Variants in SPATA31D1 observed in about 807,000 individuals in gnomAD.
The protein encoded by SPATA31D1 is spermatogenesis-associated protein 31D1.
SPATA31D1 carries 6 observed loss-of-function variants against 13.2 expected under a neutral mutation model. The observed-to-expected ratio is 0.46, with a 90% confidence interval of 0.25 to 0.90. The LOEUF is 0.90. Ranked by LOEUF, SPATA31D1 falls within the 40% of genes least tolerant of loss-of-function variation. The probability of loss-of-function intolerance (pLI) is 0.18; values close to 1 mark genes in which losing one functional copy is unlikely to be tolerated. For missense variants in SPATA31D1, 2,445 were observed against 1,884.7 expected (o/e 1.30, Z -5.50); for synonymous variants, 903 against 718.8 (o/e 1.26, Z -4.10).
In SPATA31D1 at chr9:81,994,731, C is replaced by T. The variant is rs73480303; in HGVS notation, c.4261C>T (p.His1421Tyr). 5,259 of 1,613,850 alleles carry T rather than the reference C, an allele frequency of 3.3e-3. 151 individuals carry two copies. The African/African-American group carries it at 0.06, about 18-fold the overall frequency. ...CCTAGAAGAGAAGCTGGGGCATAGG[C>T]ATGGGATAGATATCACCTGTCCCCA... ...EFLEEKLGHR[H>Y]GIDITCPQEP... The change falls in exon 4 of 4, where the codon CAT becomes TAT. Residue 1421 changes from histidine to tyrosine, a missense_variant. His to Tyr is a moderately conservative substitution (Grantham distance 83). Coordinates refer to ENST00000344803, the MANE Select transcript of SPATA31D1 (RefSeq NM_001001670.3).
At chr9:81,988,718 T>G (rs1316344852), upstream of SPATA31D1, 4 of 1,575,878 alleles carry the variant, frequency 2.5e-6, no homozygotes, top group Non-Finnish European at 3.5e-6. Context: ...CTTAGAAACC[T>G]TCTGTGACTC....
chr9:81,991,748 G>T lies in SPATA31D1; in HGVS notation c.1278G>T (p.Leu426=). 1.2e-6 allele frequency: 2 copies of T among 1,613,784 alleles called. No individual in the cohort carries two copies. The highest frequency in any genetic ancestry group is 1.7e-6 in the Non-Finnish European group (2 of 1,179,732). The change falls in exon 4 of 4, where the codon CTG becomes CTT. Residue 426 remains leucine, a synonymous_variant. Coordinates refer to ENST00000344803, the MANE Select transcript of SPATA31D1 (RefSeq NM_001001670.3). The part of the protein sequence containing the change: ...ERQVKKRGDF[L]MWKENGKKPG... Reference sequence around the variant, plus strand: ...AAGTCAAAAAAAGGGGTGATTTCCTGATGTGGAAAGAAAATGGAAAGAAAC... The same window carrying T: ...AAGTCAAAAAAAGGGGTGATTTCCTTATGTGGAAAGAAAATGGAAAGAAAC...
chr9:81,993,717 G>A lies in SPATA31D1; in HGVS notation c.3247G>A (p.Glu1083Lys). Residue 1083 changes from glutamate (E) to lysine (K), a missense_variant, in exon 4 of 4, where the codon GAG (glutamate) becomes AAG (lysine). Glu to Lys is a moderately conservative substitution (Grantham distance 56, BLOSUM62 1). Transcript: ENST00000344803. ...TCTTACAGAAAGTGTCCGGACAACA[G>A]AGGATGGCAGACAGACTTTTCTGCC... ...NDLTESVRTT[E>K]DGRQTFLPPP... is the part of the protein sequence containing the mutation. 6.2e-7 allele frequency: 1 copy of A among 1,614,022 alleles called. No individual in the cohort carries two copies. The highest frequency in any genetic ancestry group is 8.5e-7 in the Non-Finnish European group (1 of 1,179,898).
chr9:81,987,791 AAAC>A (rs759563768), upstream of SPATA31D1, among the ~76,000 whole-genome samples: 6 of 152,308 alleles, frequency 3.9e-5, no homozygotes, highest in South Asian at 2.1e-4. Flanking sequence ...GGCGATTAAA[AAAC>A]AACAACAACA....
At position 81,993,748 on chromosome 9, in the gene SPATA31D1, C is replaced by A; in HGVS notation, c.3278C>A (p.Pro1093Gln). The change falls in exon 4 of 4, where the codon CCA (proline) becomes CAA (glutamine). Residue 1093 changes from proline (P) to glutamine (Q), a missense_variant. Transcript: ENST00000344803. Reference protein sequence around the residue: ...EDGRQTFLPPPHSIVDEVSQK... With the variant: ...EDGRQTFLPPQHSIVDEVSQK... ...GGCAGACAGACTTTTCTGCCCCCGC[C>A]ACACAGCATCGTAGACGAAGTCAGT... The A allele has an allele frequency of 6.2e-7, 1 of 1,613,990 alleles. No individual in the cohort carries two copies. Among genetic ancestry groups the A allele is most frequent in the Non-Finnish European group, 8.5e-7 (1 of 1,179,900 alleles).
rs1378648739 is a variant in SPATA31D1 at position 81,994,636 on chromosome 9, G to A, written c.4166G>A (p.Gly1389Asp). The change falls in exon 4 of 4, where the codon GGT (glycine) becomes GAT (aspartate). Residue 1389 changes from glycine to aspartate, a missense_variant. Gly to Asp is a moderately conservative substitution (Grantham distance 94, BLOSUM62 -1). Coordinates refer to ENST00000344803, the MANE Select transcript of SPATA31D1 (RefSeq NM_001001670.3). ...SSLSSCVQNI[G>D]RVIRAAFTGT... is the part of the protein sequence containing the mutation. ...CTGTCATCATGTGTGCAGAATATTG[G>A]TCGAGTTATAAGAGCTGCCTTTACT... 6.2e-6 allele frequency: 10 copies of A among 1,613,216 alleles called. No individual in the cohort carries two copies. In the South Asian group the frequency reaches 6.6e-5, roughly 11 times the overall value.
At chr9:81,989,905 G>C in intron 2 of SPATA31D1, 82 bp downstream of exon 2, 2 of 1,495,052 alleles carry the variant, frequency 1.3e-6, no homozygotes, top group Admixed American at 3.8e-5. Flanking sequence ...TGATTTCTTA[G>C]AATGTCAGTT....
At position 81,991,319 on chromosome 9, in the gene SPATA31D1, G is replaced by T. The variant is rs568845059; in HGVS notation, c.849G>T (p.Ser283=). ...SFGSTLCQDI[S]QAMNPIDSCA... ...GCTCCACCCTATGCCAAGATATTTC[G>T]CAGGCCATGAATCCCATTGATTCTT... The change falls in exon 4 of 4, where the codon TCG becomes TCT. Residue 283 remains serine (S), a synonymous_variant. Coordinates refer to ENST00000344803, the MANE Select transcript of SPATA31D1 (RefSeq NM_001001670.3). 1 of 1,613,932 alleles carries T rather than the reference G, an allele frequency of 6.2e-7. No individual in the cohort carries two copies. Among genetic ancestry groups the T allele is most frequent in the Non-Finnish European group, 8.5e-7 (1 of 1,179,874 alleles).
chr9:81,995,241 G>A lies in SPATA31D1; in HGVS notation c.*40G>A. ...AGAATCTTGATTCTCCCCAATAAAT[G>A]TTCCAATAAGAAGGATGTCTTTTCT... On this transcript the variant is annotated 3_prime_UTR_variant, in exon 4 of 4. Coordinates refer to ENST00000344803, the MANE Select transcript of SPATA31D1 (RefSeq NM_001001670.3). 1 of 1,456,458 alleles carries A rather than the reference G, an allele frequency of 6.9e-7. No individual in the cohort carries two copies. 90.2% of individuals were successfully genotyped at this position (1,456,458 alleles called of 1,614,324 possible). A position where few individuals can be genotyped will look rare whatever the true frequency, so the allele number is the denominator to read the frequency against.
At position 81,994,422 on chromosome 9, in the gene SPATA31D1, A is replaced by C. The variant is rs369324491; in HGVS notation, c.3952A>C (p.Arg1318=). 37 of 1,613,712 alleles carry C rather than the reference A, an allele frequency of 2.3e-5. No individual in the cohort carries two copies. The highest frequency in any genetic ancestry group is 3.0e-5 in the Non-Finnish European group (35 of 1,179,826). Residue 1318 remains arginine (R), a synonymous_variant, in exon 4 of 4, where the codon AGA becomes CGA. Coordinates refer to ENST00000344803, the MANE Select transcript of SPATA31D1 (RefSeq NM_001001670.3). ...AGGGCTGGGGACATCCCAACGCAGG[A>C]GAAAGAGCCTCCCTGTTCATAACAA... ...DAGLGTSQRR[R]KSLPVHNKTS... is the part of the protein sequence containing the mutation.
chr9:81,993,608 C>T lies in SPATA31D1; in HGVS notation c.3138C>T (p.Leu1046=), dbSNP rs1237647903. 4.7e-5 allele frequency: 76 copies of T among 1,613,698 alleles called. No homozygotes were observed. Among genetic ancestry groups the T allele is most frequent in the East Asian group, 8.9e-5 (4 of 44,862 alleles). ...KLDSTSSFPI[L]GHSYLVTSPV... ...ATTCAACAAGCTCATTCCCCATCCT[C>T]GGTCATTCTTACCTTGTCACTTCAC... Residue 1046 remains leucine (L), a synonymous_variant, in exon 4 of 4, where the codon CTC becomes CTT. Transcript: ENST00000344803.
chr9:81,992,455 A>G lies in SPATA31D1; in HGVS notation c.1985A>G (p.Lys662Arg), dbSNP rs369209091. 3.0e-5 allele frequency: 48 copies of G among 1,612,294 alleles called. No homozygotes were observed. The African/African-American group carries it at 5.5e-4, about 18-fold the overall frequency. ...GCTCCCAATCCTGAATTGGTCAGAA[A>G]GTCCTTCAAGGTCCATGTTCCGATC... ...PPAPNPELVR[K>R]SFKVHVPISI... is the part of the protein sequence containing the mutation. The change falls in exon 4 of 4, where the codon AAG becomes AGG. Residue 662 changes from lysine (K) to arginine (R), a missense_variant. Coordinates refer to ENST00000344803, the MANE Select transcript of SPATA31D1 (RefSeq NM_001001670.3).
At position 81,993,210 on chromosome 9, in the gene SPATA31D1, A is replaced by G. The variant is rs878935748; in HGVS notation, c.2740A>G (p.Met914Val). 6.2e-7 allele frequency: 1 copy of G among 1,613,972 alleles called. No individual in the cohort carries two copies. The highest frequency in any genetic ancestry group is 8.5e-7 in the Non-Finnish European group (1 of 1,179,872). The change falls in exon 4 of 4, where the codon ATG becomes GTG. Residue 914 changes from methionine to valine, a missense_variant. By Grantham distance (21) the Met-to-Val change is conservative. Coordinates refer to ENST00000344803, the MANE Select transcript of SPATA31D1 (RefSeq NM_001001670.3). ...CCATATTAAAACTTTCCGTATGAGG[A>G]TGCTGTGGGGCCTTCCCCTCAAGGT... The part of the protein sequence containing the change: ...EAHIKTFRMR[M>V]LWGLPLKVLE...
rs1825066281 is a variant in SPATA31D1 at position 81,994,894 on chromosome 9, G to C, written c.4424G>C (p.Ser1475Thr). The C allele has an allele frequency of 1.2e-6, 2 of 1,613,846 alleles. No homozygotes were observed. The highest frequency in any genetic ancestry group is 1.7e-6 in the Non-Finnish European group (2 of 1,179,888). ...AAAGTGACACGTACCAAATCTTGCAGCCAACAAGCTATCTTTGTTGGCCAG... is the reference window on the plus strand; with the variant it reads ...AAAGTGACACGTACCAAATCTTGCACCCAACAAGCTATCTTTGTTGGCCAG... Reference protein sequence around the residue: ...SCKVTRTKSCSQQAIFVGQNY... With the variant: ...SCKVTRTKSCTQQAIFVGQNY... Residue 1475 changes from serine to threonine, a missense_variant, in exon 4 of 4, where the codon AGC (serine) becomes ACC (threonine). Transcript: ENST00000344803.
In SPATA31D1 at chr9:81,992,028, C is replaced by G. The variant is rs763860987; in HGVS notation, c.1558C>G (p.Leu520Val). Residue 520 changes from leucine to valine, a missense_variant, in exon 4 of 4, where the codon CTT becomes GTT. Coordinates refer to ENST00000344803, the MANE Select transcript of SPATA31D1 (RefSeq NM_001001670.3). Reference sequence around the variant, plus strand: ...CAGCGAGTCTCTGCATCCTACTGTTCTTGTCCAACGTGGCCATTCCTCCAT... The same window carrying G: ...CAGCGAGTCTCTGCATCCTACTGTTGTTGTCCAACGTGGCCATTCCTCCAT... The part of the protein sequence containing the change: ...LHSESLHPTV[L>V]VQRGHSSMFV... 3 of 1,613,778 alleles carry G rather than the reference C, an allele frequency of 1.9e-6. No homozygotes were observed. Among genetic ancestry groups the G allele is most frequent in the Non-Finnish European group, 1.7e-6 (2 of 1,179,718 alleles).
chr9:81,989,627 C>A, intron 1 of SPATA31D1, 151 bp from the exon 2 acceptor site: 1 of 902,450 alleles, frequency 1.1e-6, no homozygotes, highest in Non-Finnish European at 1.6e-6. Context: ...ATTTTATCAC[C>A]ATTAAAAATT....
rs376856765 is a variant in SPATA31D1 at position 81,993,784 on chromosome 9, C to A, written c.3314C>A (p.Thr1105Asn). 1 of 1,614,036 alleles carries A rather than the reference C, an allele frequency of 6.2e-7. No individual in the cohort carries two copies. Among genetic ancestry groups the A allele is most frequent in the South Asian group, 1.1e-5 (1 of 91,088 alleles). Residue 1105 changes from threonine (T) to asparagine (N), a missense_variant, in exon 4 of 4, where the codon ACT becomes AAT. Coordinates refer to ENST00000344803, the MANE Select transcript of SPATA31D1 (RefSeq NM_001001670.3). ...SIVDEVSQKQ[T>N]VLASRCSAEL... ...GTAGACGAAGTCAGTCAGAAACAGACTGTACTGGCCAGTAGATGCAGCGCA... is the reference window on the plus strand; with the variant it reads ...GTAGACGAAGTCAGTCAGAAACAGAATGTACTGGCCAGTAGATGCAGCGCA...
At position 81,992,349 on chromosome 9, in the gene SPATA31D1, A is replaced by G. The variant is rs1201097411; in HGVS notation, c.1879A>G (p.Asn627Asp). 6.2e-7 allele frequency: 1 copy of G among 1,613,700 alleles called. No individual in the cohort carries two copies. The highest frequency in any genetic ancestry group is 1.3e-5 in the African/African-American group (1 of 74,924). ...ATCTGAAATTAACCATCTGGAGTGG[A>G]ACGTGTTGCAGAAAGTGCAGGAAAG... ...LPSEINHLEW[N>D]VLQKVQESLW... Residue 627 changes from asparagine to aspartate, a missense_variant, in exon 4 of 4, where the codon AAC becomes GAC. By Grantham distance (23) the Asn-to-Asp change is conservative (BLOSUM62 1). Transcript: ENST00000344803.
At position 81,990,542 on chromosome 9, in the gene SPATA31D1, C is replaced by T. The variant is rs575306015; in HGVS notation, c.302+56C>T. The T allele has an allele frequency of 3.6e-5, 54 of 1,497,900 alleles. No homozygotes were observed. The South Asian group carries it at 4.9e-4, about 14-fold the overall frequency. 92.8% of individuals were successfully genotyped at this position (1,497,900 alleles called of 1,614,324 possible). On this transcript the variant is annotated intron_variant, in intron 3 of 3. Coordinates refer to ENST00000344803, the MANE Select transcript of SPATA31D1 (RefSeq NM_001001670.3). ...CCACCCCACTCCTTCTTCTTTAGTA[C>T]GTTCTATTCATTTCAGGGATTCCTT... is the stretch of plus-strand genomic sequence containing the variant.
Sources: gnomAD v4.1 joint callset for allele counts (sites outside exome capture counted in the v4.1 genomes callset) on GRCh38, gnomAD v4.1.1 for gene constraint, MANE v1.5 for transcripts, NCBI Gene and HGNC (gene_info 2026-07-23, HGNC 2026-07-21) for gene names.